MYH11: variants seen among roughly 807,000 people sequenced by gnomAD.
MYH11 encodes myosin-11.
MYH11 carries 80 observed loss-of-function variants against 246.6 expected under a neutral mutation model. That is an observed-to-expected ratio of 0.32 (90% CI 0.27 to 0.39). The LOEUF is 0.39. Ranked by LOEUF, MYH11 falls within the 10% of genes least tolerant of loss-of-function variation. The pLI is 1.00. For synonymous variants in MYH11, 1,071 were observed against 1,015.5 expected (o/e 1.05, Z -1.04); for missense variants, 2,158 against 2,546.8 (o/e 0.85, Z 3.29).
intron 2 of MYH11, among the ~76,000 whole-genome samples, chr16:15,829,050 G>A (rs903252846): frequency 1.3e-5 from 2 of 151,870 alleles, no homozygotes; most frequent in African/African-American, 4.8e-5. Context: ...TGGGTGTGGT[G>A]GCGCATGCCT....
intron 40 of MYH11, chr16:15,714,188 G>A (rs1315697270): frequency 6.5e-6 from 1 of 153,250 alleles, no homozygotes; most frequent in Non-Finnish European, 1.5e-5. Context: ...ACAGGGTGGT[G>A]GAAGCAGCCC....
chr16:15,720,689 C>T (rs1295756641), intron 33 of MYH11, 150 bp downstream of exon 33: 33 of 875,930 alleles, frequency 3.8e-5, no homozygotes, highest in South Asian at 7.4e-5. Flanking sequence ...GCTGAGATTA[C>T]GCCACTGCAC....
chr16:15,721,824 C>G, intron 31 of MYH11, 190 bp from the exon 32 acceptor site: 1 of 637,580 alleles, frequency 1.6e-6, no homozygotes, highest in Non-Finnish European at 2.7e-6. Context: ...TTATGCAGAG[C>G]CAGAAATCAG....
intron 36 of MYH11, 37 bp downstream of exon 36, chr16:15,719,183 C>G (rs1219628090): frequency 6.3e-7 from 1 of 1,599,280 alleles, no homozygotes; most frequent in South Asian, 1.1e-5. Context: ...CCCCCATCCT[C>G]TGCTTCAGAG....
At chr16:15,720,128 C>G in intron 34 of MYH11, 23 bp downstream of exon 34, 1 of 1,614,104 alleles carries the variant, frequency 6.2e-7, no homozygotes, top group Non-Finnish European at 8.5e-7. Context: ...CCACCCATGC[C>G]CCAAGCTCCT....
chr16:15,734,106 G>A (rs2041046456), intron 26 of MYH11, among the ~76,000 whole-genome samples: 1 of 152,176 alleles, frequency 6.6e-6, no homozygotes, highest in Non-Finnish European at 1.5e-5. Flanking sequence ...CAGGCAGTTT[G>A]TTATTGTTTG....
In MYH11 at chr16:15,741,649, C is replaced by G. The variant is rs953728514; in HGVS notation, c.2673G>C (p.Leu891=). ...KHSQLTEEKN[L]LQEQLQAETE... is the part of the protein sequence containing the mutation. ...TCTCTGCCTGCAGCTGTTCCTGTAGCAGGTTCTTCTCCTCGGTCAGCTGCA... is the reference window on the plus strand; with the variant it reads ...TCTCTGCCTGCAGCTGTTCCTGTAGGAGGTTCTTCTCCTCGGTCAGCTGCA... Residue 891 remains leucine (L), a synonymous_variant, in exon 22 of 41, where the codon CTG becomes CTC. Coordinates refer to ENST00000300036, the MANE Select transcript of MYH11 (RefSeq NM_002474.3). 2 of 1,613,584 alleles carry G rather than the reference C, an allele frequency of 1.2e-6. No individual in the cohort carries two copies. The highest frequency in any genetic ancestry group is 2.7e-5 in the African/African-American group (2 of 74,934).
At position 15,741,672 on chromosome 16, in the gene MYH11, G is replaced by A. The variant is rs571588512; in HGVS notation, c.2653-3C>T. On this transcript the variant is annotated splice_region_variant and splice_polypyrimidine_tract_variant and intron_variant, in intron 21 of 40. Transcript: ENST00000300036. ...AGCAGGTTCTTCTCCTCGGTCAGCT[G>A]CACGCAGGTGGTGGGGAGGAGGCGG... 9 of 1,613,890 alleles carry A rather than the reference G, an allele frequency of 5.6e-6. No homozygotes were observed. In the Admixed American group the frequency reaches 1.5e-4, roughly 27 times the overall value.
Position 15,727,198 on chromosome 16 carries a change from TTTG to T in MYH11, c.3652-147_3652-145del, listed in dbSNP as rs201787138. 0.021 allele frequency: 15,379 copies of T among 728,174 alleles called. 248 individuals are homozygous for T. Among genetic ancestry groups the T allele is most frequent in the African/African-American group, 0.058 (3,252 of 56,094 alleles). 45.1% of individuals were successfully genotyped at this position (728,174 alleles called of 1,614,324 possible). ...TCACCAGTAAGAGATTTGGGGTTTTTTTGTTGTTATTTTTTTTTTGAGATGGAG... is the reference window on the plus strand; with the variant it reads ...TCACCAGTAAGAGATTTGGGGTTTTTTTGTTATTTTTTTTTTGAGATGGAG... On this transcript the variant is annotated intron_variant, in intron 27 of 40. Transcript: ENST00000300036.
At position 15,709,005 on chromosome 16, in the gene MYH11, C is replaced by T. The variant is rs146779307; in HGVS notation, c.5787-4882G>A. The stretch of plus-strand genomic sequence containing the variant: ...TCACCCAGGCTGGAGTGCAGGGGTG[C>T]GATCTTGGCTCACTGCAACCTCTAC... On this transcript the variant is annotated intron_variant, in intron 40 of 40. Coordinates refer to ENST00000300036, the MANE Select transcript of MYH11 (RefSeq NM_002474.3). Among the ~76,000 whole-genome samples the T allele has an allele frequency of 7.3e-3, 1,102 of 151,726 alleles. 13 individuals carry two copies. The highest frequency in any genetic ancestry group is 0.026 in the African/African-American group (1,072 of 41,362).
At chr16:15,731,984 T>C (rs992947682) in intron 27 of MYH11, among the ~76,000 whole-genome samples, 1 of 151,840 alleles carries the variant, frequency 6.6e-6, no homozygotes, top group South Asian at 2.1e-4. Flanking sequence ...TTTTTTGAGA[T>C]GGAATCCTGC....
At chr16:15,712,352 A>G (rs1212064036) in intron 40 of MYH11, among the ~76,000 whole-genome samples, 1 of 152,146 alleles carries the variant, frequency 6.6e-6, no homozygotes, top group Non-Finnish European at 1.5e-5. Context: ...AGCGCTGGGG[A>G]GAGATGAAAA....
chr16:15,798,551 C>A (rs991530426), intron 4 of MYH11, 109 bp downstream of exon 4: 1 of 1,138,982 alleles, frequency 8.8e-7, no homozygotes. Flanking sequence ...ATGAACAAAT[C>A]AAAGATCTCT....
chr16:15,827,950 G>A (rs930065248), intron 2 of MYH11, among the ~76,000 whole-genome samples: 5 of 152,138 alleles, frequency 3.3e-5, no homozygotes, highest in African/African-American at 7.2e-5. Flanking sequence ...TTCAGGCCTC[G>A]ACTCCATCTC....
chr16:15,811,478 T>A (rs1057426561), intron 3 of MYH11, among the ~76,000 whole-genome samples: 1 of 152,004 alleles, frequency 6.6e-6, no homozygotes, highest in Non-Finnish European at 1.5e-5. Context: ...GTTTTCCCCA[T>A]TGATCAAATG....
intron 23 of MYH11, among the ~76,000 whole-genome samples, chr16:15,739,352 C>T (rs1695323298): frequency 6.6e-6 from 1 of 152,178 alleles, no homozygotes; most frequent in African/African-American, 2.4e-5. Flanking sequence ...CCACTTGCCT[C>T]AGCCTCCCAA....
intron 1 of MYH11, among the ~76,000 whole-genome samples, chr16:15,855,167 CATG>C (rs1433407342): frequency 6.6e-6 from 1 of 152,128 alleles, no homozygotes; most frequent in Non-Finnish European, 1.5e-5. Context: ...AATAAAAAAA[CATG>C]GTGTTTACAA....
chr16:15,814,461 G>A (rs1002638904), intron 3 of MYH11, among the ~76,000 whole-genome samples: 1 of 143,668 alleles, frequency 7.0e-6, no homozygotes, highest in African/African-American at 2.6e-5. Flanking sequence ...GCTGAGGCAG[G>A]AGAATCACTT....
chr16:15,805,597 A>G (rs2042990800), intron 3 of MYH11, among the ~76,000 whole-genome samples: 1 of 152,354 alleles, frequency 6.6e-6, no homozygotes, highest in Non-Finnish European at 1.5e-5. Flanking sequence ...AGACAGTGGG[A>G]TAGTATTCAG....
Sources: allele counts gnomAD v4.1 joint callset (sites outside exome capture counted in the v4.1 genomes callset), GRCh38; gene constraint gnomAD v4.1.1; transcripts MANE v1.5; gene names NCBI Gene and HGNC (gene_info 2026-07-23, HGNC 2026-07-21).